Variants in MAGOHB observed in about 807,000 individuals in gnomAD.
MAGOHB encodes mago homolog B, exon junction complex subunit.
Under a neutral mutation model 20.9 loss-of-function variants are expected in MAGOHB, and 15 were observed. The observed-to-expected ratio is 0.72, with a 90% CI of 0.48 to 1.11. MAGOHB has a LOEUF of 1.11. Among genes scored for constraint, MAGOHB ranks in the 50% least tolerant of loss-of-function variants. The pLI, the probability that MAGOHB is intolerant of heterozygous loss-of-function variation, is 0.00. For synonymous variants in MAGOHB, 50 were observed against 57.9 expected (o/e 0.86, Z 0.62); for missense variants, 162 against 177.6 (o/e 0.91, Z 0.50).
At chr12:10,607,685 T>C (rs1425613720) in intron 4 of MAGOHB, among the ~76,000 whole-genome samples, 169 bp downstream of exon 4, 3 of 152,206 alleles carry the variant, frequency 2.0e-5, no homozygotes, top group Non-Finnish European at 2.9e-5. Flanking sequence ...TGCTAACTTC[T>C]ACTGAGAGAC....
intron 4 of MAGOHB, among the ~76,000 whole-genome samples, chr12:10,607,360 C>G (rs1437207668): frequency 6.6e-6 from 1 of 152,044 alleles, no homozygotes; most frequent in Admixed American, 6.6e-5. Context: ...AAATAAGTGG[C>G]TAGGATCAGA....
In MAGOHB at chr12:10,605,242, T is replaced by C. The variant is rs1240713564; in HGVS notation, c.*1033A>G. On this transcript the variant is annotated 3_prime_UTR_variant, in exon 5 of 5. Transcript: ENST00000320756. ...ACCCTATTGGACTGCACATAGAACG[T>C]TTCCATTATTGCAAAAAAGTTATTG... 1 of 152,186 alleles carries C rather than the reference T, an allele frequency of 6.6e-6. No individual in the cohort carries two copies. The highest frequency in any genetic ancestry group is 2.4e-5 in the African/African-American group (1 of 41,438). 9.4% of individuals were successfully genotyped at this position (152,186 alleles called of 1,614,324 possible).
downstream of MAGOHB, among the ~76,000 whole-genome samples, chr12:10,601,332 G>C (rs1865553159): frequency 6.6e-6 from 1 of 152,154 alleles, no homozygotes. Context: ...AAGTGAAGAA[G>C]TTCATTGACT....
chr12:10,612,984 G>A (rs746056965), intron 1 of MAGOHB: 1 of 1,274,872 alleles, frequency 7.8e-7, no homozygotes, highest in South Asian at 1.2e-5. Context: ...GCGTCCTATG[G>A]TGAACAATTA....
chr12:10,602,701 T>C (rs553395836), downstream of MAGOHB, among the ~76,000 whole-genome samples: 1 of 152,218 alleles, frequency 6.6e-6, no homozygotes, highest in Non-Finnish European at 1.5e-5. Context: ...AATTTGCTCA[T>C]CTTCTGGCTC....
At chr12:10,612,663 T>G in intron 1 of MAGOHB, 1 of 1,141,220 alleles carries the variant, frequency 8.8e-7, no homozygotes, top group Non-Finnish European at 1.1e-6. Context: ...ATTTGCTTGT[T>G]GTCCAGCACA....
downstream of MAGOHB, among the ~76,000 whole-genome samples, chr12:10,600,859 C>T (rs563190486): frequency 1.3e-5 from 2 of 152,138 alleles, no homozygotes; most frequent in South Asian, 4.1e-4. Flanking sequence ...GATAGAGAGG[C>T]ACAGAACAGC....
rs1183984405 is a variant in MAGOHB, at chr12:10,612,847, G to GT, written c.94+591dup. 4.7e-6 allele frequency: 6 copies of GT among 1,288,944 alleles called. No homozygotes were observed. In the Admixed American group the frequency reaches 6.9e-5, roughly 15 times the overall value. The allele number at this position is 1,288,944 out of a possible 1,614,324, so 79.8% of individuals were successfully genotyped here. ...TCTGCTCATACTGCTCTGGAAGTCT[G>GT]TTTTTTTCTCTCAAAGGCCAAGTCT... On this transcript the variant is annotated intron_variant, in intron 1 of 4. Transcript: ENST00000320756.
downstream of MAGOHB, among the ~76,000 whole-genome samples, chr12:10,600,099 T>A (rs1206100522): frequency 6.6e-6 from 1 of 152,158 alleles, no homozygotes; most frequent in Non-Finnish European, 1.5e-5. Context: ...ATGTATTTTT[T>A]AAATTACTTT....
At chr12:10,609,978 C>T (rs773425560) in intron 2 of MAGOHB, 37 bp from the exon 3 acceptor site, 2 of 1,133,940 alleles carry the variant, frequency 1.8e-6, no homozygotes, top group Non-Finnish European at 2.6e-6. Context: ...ATAATGCCCA[C>T]CTATGTCACC....
At chr12:10,608,236 T>TA (rs766629046) in intron 3 of MAGOHB, 44 of 213,756 alleles carry the variant, frequency 2.1e-4, no homozygotes, top group Non-Finnish European at 3.7e-4. Context: ...CAGTAAAAAC[T>TA]AAAGACATCA....
chr12:10,602,447 T>G (rs2120487690), downstream of MAGOHB, among the ~76,000 whole-genome samples: 1 of 152,300 alleles, frequency 6.6e-6, no homozygotes, highest in South Asian at 2.1e-4. Flanking sequence ...AAAGGCAAAT[T>G]TCTCCTTTAA....
Position 10,606,271 on chromosome 12 carries a change from CAATTT to C in MAGOHB, c.446_*3del. Reference sequence around the variant, plus strand: ...AATATACAAACAGCCTGAAAACATACAATTTAAATTGGTTTAATCTTGAAGTGTAA... The same window carrying C: ...AATATACAAACAGCCTGAAAACATACAAATTGGTTTAATCTTGAAGTGTAA... On this transcript the variant is annotated stop_lost and 3_prime_UTR_variant, in exon 5 of 5. Transcript: ENST00000320756. 1 of 1,408,344 alleles carries C rather than the reference CAATTT, an allele frequency of 7.1e-7. No individual in the cohort carries two copies. The highest frequency in any genetic ancestry group is 9.7e-7 in the Non-Finnish European group (1 of 1,027,462). The allele number at this position is 1,408,344 out of a possible 1,614,324, so 87.2% of individuals were successfully genotyped here. A position where few individuals can be genotyped will look rare whatever the true frequency, so the allele number is the denominator to read the frequency against.
downstream of MAGOHB, among the ~76,000 whole-genome samples, chr12:10,601,334 T>G (rs560350006): frequency 7.2e-5 from 11 of 152,288 alleles, no homozygotes; most frequent in South Asian, 2.3e-3. Flanking sequence ...GTGAAGAAGT[T>G]CATTGACTTG....
At chr12:10,611,791 T>C (rs1181467960) in intron 1 of MAGOHB, among the ~76,000 whole-genome samples, 1 of 133,486 alleles carries the variant, frequency 7.5e-6, no homozygotes, top group Non-Finnish European at 1.7e-5. Context: ...GAAACGCGTC[T>C]TCGGGAGGCT....
intron 4 of MAGOHB, among the ~76,000 whole-genome samples, chr12:10,607,023 T>C (rs1372254511): frequency 6.6e-6 from 1 of 152,170 alleles, no homozygotes; most frequent in African/African-American, 2.4e-5. Context: ...TACCAATTTA[T>C]AATCCCAGTA....
intron 4 of MAGOHB, among the ~76,000 whole-genome samples, chr12:10,606,892 T>G (rs575012486): frequency 1.3e-5 from 2 of 152,108 alleles, no homozygotes; most frequent in African/African-American, 4.8e-5. Flanking sequence ...ATAAAGCTTT[T>G]CCAATATTTA....
chr12:10,610,809 T>C (rs1865719563), intron 1 of MAGOHB, 129 bp from the exon 2 acceptor site: 1 of 864,262 alleles, frequency 1.2e-6, no homozygotes, highest in Non-Finnish European at 1.6e-6. Flanking sequence ...CCTCCTTGTG[T>C]AAGATCATTG....
rs1865621233 is a variant in MAGOHB at position 10,605,925 on chromosome 12, G to A, written c.*350C>T. The A allele has an allele frequency of 6.4e-6, 1 of 155,754 alleles. No homozygotes were observed. Among genetic ancestry groups the A allele is most frequent in the East Asian group, 1.9e-4 (1 of 5,372 alleles). The allele number at this position is 155,754 out of a possible 1,614,324, so 9.6% of individuals were successfully genotyped here. Reference sequence around the variant, plus strand: ...TCCACCTAAAGTATCTTCTGTCACAGGATATATCTACCAGAACAATTTCTT... The same window carrying A: ...TCCACCTAAAGTATCTTCTGTCACAAGATATATCTACCAGAACAATTTCTT... On this transcript the variant is annotated 3_prime_UTR_variant, in exon 5 of 5. Transcript: ENST00000320756.
Sources: allele counts gnomAD v4.1 joint callset (sites outside exome capture counted in the v4.1 genomes callset), GRCh38; gene constraint gnomAD v4.1.1; transcripts MANE v1.5; gene names NCBI Gene and HGNC (gene_info 2026-07-23, HGNC 2026-07-21).